Variants in AFF2 observed in about 807,000 individuals in gnomAD.
AFF2 encodes AF4/FMR2 family member 2.
AFF2 carries 14 observed loss-of-function variants against 76.9 expected under a neutral mutation model. The observed-to-expected ratio is 0.18, with a 90% CI of 0.12 to 0.28. The LOEUF is 0.28. Ranked by LOEUF, AFF2 falls within the 10% of genes least tolerant of loss-of-function variation. The probability of loss-of-function intolerance (pLI) is 1.00; values close to 1 mark genes in which losing one functional copy is unlikely to be tolerated. For synonymous variants in AFF2, 398 were observed against 366.7 expected (o/e 1.09, Z -0.98); for missense variants, 868 against 1,001.1 (o/e 0.87, Z 1.79).
intron 4 of AFF2, among the ~76,000 whole-genome samples, chrX:148,825,749 T>G (rs1418905273): frequency 1.0e-4 from 11 of 105,210 alleles, no homozygotes; most frequent in African/African-American, 3.8e-4. Context: ...TGACCAGGGT[T>G]TTTTTTTTTT....
Position 148,759,623 on chromosome X carries a change from A to C in AFF2, c.1042-50253A>C, listed in dbSNP as rs2069416811. ...ATTGTAACCACTGAATGCACAGTGC[A>C]AGCATGGTGTTGATTTTAAATCACA... On this transcript the variant is annotated intron_variant, in intron 3 of 20. Coordinates refer to ENST00000370460, the MANE Select transcript of AFF2 (RefSeq NM_002025.4). Among the ~76,000 whole-genome samples the C allele has an allele frequency of 3.6e-5, 4 of 112,077 alleles. No homozygotes were observed. The Admixed American group carries it at 3.8e-4, about 11-fold the overall frequency.
Position 148,584,525 on chromosome X carries a change from G to A in AFF2, c.48-67474G>A, listed in dbSNP as rs146565541. 6.6e-3 allele frequency among the ~76,000 whole-genome samples: 715 copies of A among 108,370 alleles called. 6 individuals carry two copies. Among genetic ancestry groups the A allele is most frequent in the Non-Finnish European group, 0.011 (595 of 52,441 alleles). 94.1% of individuals were successfully genotyped at this position (108,370 alleles called of 115,157 possible). The stretch of plus-strand genomic sequence containing the variant: ...AATGAGGAGCCCAGGTCAGCTTGAC[G>A]TAGTTATTTGCCCCTGGAGTTAAAT... On this transcript the variant is annotated intron_variant, in intron 1 of 20. Coordinates refer to ENST00000370460, the MANE Select transcript of AFF2 (RefSeq NM_002025.4).
At chrX:148,515,261 C>T (rs184945308) in intron 1 of AFF2, among the ~76,000 whole-genome samples, 95 of 111,826 alleles carry the variant, frequency 8.5e-4, no homozygotes, top group African/African-American at 2.9e-3. Flanking sequence ...CCAAAACTGT[C>T]GTTGCTAATG....
At chrX:148,785,496 A>G (rs1016858842) in intron 3 of AFF2, among the ~76,000 whole-genome samples, 1 of 111,865 alleles carries the variant, frequency 8.9e-6, no homozygotes, top group African/African-American at 3.3e-5. Context: ...CATTAGTAAC[A>G]GCCTTCCTGG....
intron 3 of AFF2, among the ~76,000 whole-genome samples, chrX:148,717,276 A>G (rs782256581): frequency 8.9e-6 from 1 of 112,516 alleles, no homozygotes; most frequent in East Asian, 2.8e-4. Context: ...TAGATGAACC[A>G]TAACAACATT....
intron 9 of AFF2, among the ~76,000 whole-genome samples, chrX:148,914,682 A>G (rs2071507415): frequency 9.0e-6 from 1 of 111,393 alleles, no homozygotes. Context: ...GGCTTCATGA[A>G]CCCTTGATTA....
intron 4 of AFF2, among the ~76,000 whole-genome samples, chrX:148,833,223 C>T (rs1469888574): frequency 1.8e-5 from 2 of 111,790 alleles, no homozygotes; most frequent in Non-Finnish European, 3.8e-5. Flanking sequence ...TTATTCTCTG[C>T]ACCTTTGCTC....
chrX:148,623,074 A>C (rs2053885255), intron 1 of AFF2, among the ~76,000 whole-genome samples: 2 of 111,693 alleles, frequency 1.8e-5, no homozygotes, highest in Non-Finnish European at 3.8e-5. Flanking sequence ...ATTAAGAAAT[A>C]AAAATAAAAA....
intron 1 of AFF2, among the ~76,000 whole-genome samples, chrX:148,553,020 A>G (rs782506244): frequency 8.9e-6 from 1 of 111,936 alleles, no homozygotes; most frequent in African/African-American, 3.2e-5. Context: ...TGCACCAAAG[A>G]TCTGACAAAT....
chrX:148,732,102 C>G (rs1557264708), intron 3 of AFF2, among the ~76,000 whole-genome samples: 1 of 83,953 alleles, frequency 1.2e-5, no homozygotes, highest in Non-Finnish European at 2.1e-5. Context: ...ATAAATCATG[C>G]TGCTATAAAG....
At chrX:148,760,041 A>G (rs1356451978) in intron 3 of AFF2, among the ~76,000 whole-genome samples, 6 of 112,344 alleles carry the variant, frequency 5.3e-5, no homozygotes, top group Non-Finnish European at 1.9e-5. Flanking sequence ...TCACTTTTCT[A>G]ACAAATGCAT....
intron 9 of AFF2, among the ~76,000 whole-genome samples, chrX:148,918,603 T>A (rs2071557955): frequency 9.0e-6 from 1 of 111,654 alleles, no homozygotes; most frequent in Non-Finnish European, 1.9e-5. Context: ...TTCGGAAATA[T>A]ACCCCAGCTT....
intron 3 of AFF2, among the ~76,000 whole-genome samples, chrX:148,680,234 G>T (rs1557259821): frequency 8.9e-6 from 1 of 112,381 alleles, no homozygotes; most frequent in Admixed American, 9.4e-5. Context: ...ACCTGACACA[G>T]AATAGGTGCT....
chrX:148,809,812 G>A, intron 3 of AFF2, 64 bp from the exon 4 acceptor site: 1 of 1,101,465 alleles, frequency 9.1e-7, no homozygotes, highest in South Asian at 1.9e-5. Context: ...GTCCTACAGA[G>A]TAAACTATTA....
At chrX:148,975,469 C>T (rs1179321754) in intron 16 of AFF2, among the ~76,000 whole-genome samples, 2 of 111,587 alleles carry the variant, frequency 1.8e-5, no homozygotes, top group Non-Finnish European at 3.8e-5. Context: ...AAAATAAAAT[C>T]GAGCTGCAGA....
chrX:148,879,984 T>C (rs2071079051), intron 7 of AFF2, among the ~76,000 whole-genome samples: 1 of 112,191 alleles, frequency 8.9e-6, no homozygotes, highest in African/African-American at 3.2e-5. Flanking sequence ...ACAATCTTTA[T>C]CAGGCCCACG....
intron 3 of AFF2, among the ~76,000 whole-genome samples, chrX:148,721,240 A>C (rs782285803): frequency 5.4e-5 from 6 of 112,148 alleles, no homozygotes; most frequent in Non-Finnish European, 1.1e-4. Context: ...CAGGCCTGAC[A>C]AAAAATAGGT....
chrX:148,911,388 A>C (rs1162527839), intron 9 of AFF2, among the ~76,000 whole-genome samples: 1 of 111,731 alleles, frequency 9.0e-6, no homozygotes, highest in East Asian at 2.8e-4. Flanking sequence ...CATCACAGAC[A>C]TGCAGAATGT....
chrX:148,957,747 T>C (rs1362864111), intron 11 of AFF2, among the ~76,000 whole-genome samples: 1 of 112,666 alleles, frequency 8.9e-6, no homozygotes, highest in Non-Finnish European at 1.9e-5. Flanking sequence ...TATTCCAAAA[T>C]AGGGACCAAG....
Sources: gnomAD v4.1 joint callset for allele counts (sites outside exome capture counted in the v4.1 genomes callset) on GRCh38, gnomAD v4.1.1 for gene constraint, MANE v1.5 for transcripts, NCBI Gene and HGNC (gene_info 2026-07-23, HGNC 2026-07-21) for gene names.